NAA35: variants seen among roughly 807,000 people sequenced by gnomAD.
The protein encoded by NAA35 is N-alpha-acetyltransferase 35, NatC auxiliary subunit.
In NAA35, 18 loss-of-function variants were observed where a neutral mutation model predicts 101.7. The observed-to-expected ratio is 0.18, with a 90% CI of 0.12 to 0.26. The LOEUF is 0.26. Among genes scored for constraint, NAA35 ranks in the 10% least tolerant of loss-of-function variants. The pLI, the probability that NAA35 is intolerant of heterozygous loss-of-function variation, is 1.00. For synonymous variants in NAA35, 267 were observed against 273.1 expected, an observed-to-expected ratio of 0.98 and a Z score of 0.22; for missense variants, 601 against 886.8, an observed-to-expected ratio of 0.68 and a Z score of 4.09.
chr9:85,980,426 T>C (rs1361132209), intron 11 of NAA35, among the ~76,000 whole-genome samples: 1 of 152,146 alleles, frequency 6.6e-6, no homozygotes, highest in Non-Finnish European at 1.5e-5. Context: ...CCTGAAACTA[T>C]CAGTCATTCG....
intron 15 of NAA35, among the ~76,000 whole-genome samples, chr9:86,012,781 A>G (rs112923049): frequency 5.3e-5 from 8 of 152,246 alleles, no homozygotes; most frequent in African/African-American, 1.9e-4. Context: ...TGAAATTGCA[A>G]GAAGATATCT....
intron 2 of NAA35, among the ~76,000 whole-genome samples, chr9:85,948,446 G>A (rs1417573112): frequency 1.3e-5 from 2 of 152,172 alleles, no homozygotes; most frequent in African/African-American, 4.8e-5. Context: ...CTTAACTGCA[G>A]TCTAGGCTTA....
intron 12 of NAA35, among the ~76,000 whole-genome samples, chr9:86,002,556 T>G (rs1400276346): frequency 6.6e-6 from 1 of 152,152 alleles, no homozygotes; most frequent in East Asian, 1.9e-4. Context: ...TTCATTCCTT[T>G]TTCTTCTTTT....
chr9:86,007,442 A>G lies in NAA35; in HGVS notation c.1201A>G (p.Ser401Gly), dbSNP rs1243833302. Residue 401 changes from serine to glycine, a missense_variant, in exon 14 of 23, where the codon AGT (serine) becomes GGT (glycine). Around this residue, in one of 8 missense-constraint regions of NAA35, gnomAD observed 190 missense variants for 223.1 expected, o/e 0.85. Transcript: ENST00000361671. The part of the protein sequence containing the change: ...MVKDALRSFV[S>G]PPVLSPKCYL... ...GAAAGATGCACTTCGGTCTTTTGTC[A>G]GTCCTCCGGTGCTTTCCCCCAAGTA... is the stretch of plus-strand genomic sequence containing the variant. The G allele has an allele frequency of 6.2e-7, 1 of 1,613,586 alleles. No individual in the cohort carries two copies. Among genetic ancestry groups the G allele is most frequent in the Non-Finnish European group, 8.5e-7 (1 of 1,179,598 alleles).
chr9:85,983,362 GA>G (rs1339366925), intron 11 of NAA35, among the ~76,000 whole-genome samples: 1 of 152,154 alleles, frequency 6.6e-6, no homozygotes, highest in Non-Finnish European at 1.5e-5. Context: ...AAGAGATGGG[GA>G]AAAACAAAAG....
At chr9:86,001,884 T>C (rs955271508) in intron 12 of NAA35, among the ~76,000 whole-genome samples, 13 of 152,204 alleles carry the variant, frequency 8.5e-5, no homozygotes, top group African/African-American at 2.4e-4. Context: ...TAGTATGATA[T>C]GTGTGGATTT....
chr9:85,987,868 A>G (rs1169633088), intron 11 of NAA35, among the ~76,000 whole-genome samples: 1 of 152,248 alleles, frequency 6.6e-6, no homozygotes, highest in Non-Finnish European at 1.5e-5. Context: ...CAAAACTTGA[A>G]GGGAAAAAAC....
chr9:85,973,817 A>G (rs1305136542), intron 6 of NAA35, among the ~76,000 whole-genome samples: 2 of 151,642 alleles, frequency 1.3e-5, no homozygotes, highest in East Asian at 3.9e-4. Context: ...GACCAAGGAC[A>G]TTGGGTTTAT....
Position 86,018,284 on chromosome 9 carries a change from A to C in NAA35, c.1803A>C (p.Lys601Asn), listed in dbSNP as rs1421464565. 1 of 1,613,528 alleles carries C rather than the reference A, an allele frequency of 6.2e-7. No individual in the cohort carries two copies. The highest frequency in any genetic ancestry group is 1.3e-5 in the African/African-American group (1 of 74,898). ...KTMVAFDMDG[K>N]VRKPKFELDS... Reference sequence around the variant, plus strand: ...TGGTAGCATTTGACATGGACGGCAAAGTACGTAAACCGAAGTTTGAGCTTG... The same window carrying C: ...TGGTAGCATTTGACATGGACGGCAACGTACGTAAACCGAAGTTTGAGCTTG... Residue 601 changes from lysine (K) to asparagine (N), a missense_variant, in exon 20 of 23, where the codon AAA becomes AAC. By Grantham distance (94) the Lys-to-Asn change is moderately conservative. This residue lies in a region of NAA35 where 90 missense variants were observed against 108.7 expected (regional missense o/e 0.83). Transcript: ENST00000361671.
At chr9:85,995,508 C>T (rs750090959) in intron 11 of NAA35, among the ~76,000 whole-genome samples, 5 of 152,016 alleles carry the variant, frequency 3.3e-5, no homozygotes, top group South Asian at 4.1e-4. Context: ...TCTTTATTTG[C>T]GTGGTCCTAA....
chr9:85,999,907 G>A (rs1015462860), intron 12 of NAA35, among the ~76,000 whole-genome samples: 3 of 152,074 alleles, frequency 2.0e-5, no homozygotes, highest in Admixed American at 6.6e-5. Flanking sequence ...TAGCATTTCG[G>A]TGTATTTTGT....
At chr9:85,945,609 C>T (rs1262935828) in intron 2 of NAA35, among the ~76,000 whole-genome samples, 1 of 144,348 alleles carries the variant, frequency 6.9e-6, no homozygotes, top group African/African-American at 2.9e-5. Context: ...CACTCGACCT[C>T]CCGGGTTCAC....
chr9:86,013,975 A>C, intron 17 of NAA35, 78 bp downstream of exon 17: 1 of 1,173,924 alleles, frequency 8.5e-7, no homozygotes, highest in Non-Finnish European at 1.2e-6. Context: ...ATTTCAGGGT[A>C]CTTTTTCATT....
intron 11 of NAA35, among the ~76,000 whole-genome samples, chr9:85,980,740 G>T (rs1037243595): frequency 2.0e-5 from 3 of 152,172 alleles, no homozygotes; most frequent in African/African-American, 7.2e-5. Flanking sequence ...TACCTCTGTT[G>T]TAAAGTTTAC....
At chr9:85,984,725 T>G (rs1299886649) in intron 11 of NAA35, among the ~76,000 whole-genome samples, 1 of 152,210 alleles carries the variant, frequency 6.6e-6, no homozygotes, top group Non-Finnish European at 1.5e-5. Context: ...AACACTCATG[T>G]TCTCGGTTGC....
At chr9:85,948,575 T>G (rs2118269493) in intron 2 of NAA35, among the ~76,000 whole-genome samples, 1 of 152,298 alleles carries the variant, frequency 6.6e-6, no homozygotes, top group Middle Eastern at 3.4e-3. Context: ...GTAAAGTGCA[T>G]GGGAGATAAA....
chr9:85,981,285 G>A (rs1830429325), intron 11 of NAA35, among the ~76,000 whole-genome samples: 1 of 152,144 alleles, frequency 6.6e-6, no homozygotes, highest in South Asian at 2.1e-4. Context: ...CCACAACTCT[G>A]AAATGCTTTG....
intron 19 of NAA35, among the ~76,000 whole-genome samples, 198 bp from the exon 20 acceptor site, chr9:86,018,057 A>G (rs1377176518): frequency 6.6e-6 from 1 of 152,270 alleles, no homozygotes; most frequent in African/African-American, 2.4e-5. Context: ...GGTGACTCAC[A>G]TTAAAATGCA....
intron 6 of NAA35, among the ~76,000 whole-genome samples, chr9:85,963,144 T>C (rs1182903034): frequency 3.9e-5 from 6 of 152,128 alleles, no homozygotes; most frequent in African/African-American, 1.4e-4. Flanking sequence ...CCAGAATAAA[T>C]TTCCTAGGAT....
Sources: allele counts gnomAD v4.1 joint callset (sites outside exome capture counted in the v4.1 genomes callset), GRCh38; gene constraint gnomAD v4.1.1; regional missense constraint gnomAD v4.1.1; transcripts MANE v1.5; gene names NCBI Gene and HGNC (gene_info 2026-07-23, HGNC 2026-07-21).